Variants in CADPS observed in about 807,000 individuals in gnomAD.
CADPS encodes calcium-dependent secretion activator 1.
A neutral mutation model predicts 167.3 loss-of-function variants in CADPS; 57 were observed. The observed-to-expected ratio is 0.34, with a 90% CI of 0.28 to 0.42. The LOEUF (loss-of-function observed/expected upper bound fraction) is 0.42. CADPS is among the 20% of genes least tolerant of loss of function. CADPS has a pLI of 1.00. For synonymous variants in CADPS, 676 were observed against 635.3 expected, an observed-to-expected ratio of 1.06 and a Z score of -0.96; for missense variants, 1,414 against 1,738.1, an observed-to-expected ratio of 0.81 and a Z score of 3.32.
At chr3:62,767,955 C>G (rs1328157392) in intron 1 of CADPS, among the ~76,000 whole-genome samples, 2 of 152,126 alleles carry the variant, frequency 1.3e-5, no homozygotes, top group Admixed American at 6.6e-5. Flanking sequence ...TTTACCCGTA[C>G]AACATATCTC....
At chr3:62,667,331 G>A (rs1474265055) in intron 3 of CADPS, among the ~76,000 whole-genome samples, 1 of 151,972 alleles carries the variant, frequency 6.6e-6, no homozygotes, top group Admixed American at 6.6e-5. Context: ...TCAGACCAGG[G>A]TGGGGAACCC....
intron 1 of CADPS, among the ~76,000 whole-genome samples, chr3:62,873,487 T>C (rs532596536): frequency 3.3e-5 from 5 of 152,240 alleles, no homozygotes; most frequent in South Asian, 2.1e-4. Context: ...ACGCTGACTT[T>C]CTTCACTAAC....
intron 12 of CADPS, among the ~76,000 whole-genome samples, chr3:62,534,064 A>G (rs556529404): frequency 6.3e-4 from 96 of 152,358 alleles, no homozygotes; most frequent in Non-Finnish European, 1.0e-3. Flanking sequence ...AGAAAGGCCA[A>G]GTGAGTTGCC....
chr3:62,793,774 T>TACGTGCGTGCACATGTGTGC (rs2152750721), intron 1 of CADPS, among the ~76,000 whole-genome samples: 1 of 152,338 alleles, frequency 6.6e-6, no homozygotes, highest in African/African-American at 2.4e-5. Flanking sequence ...TGCGTGTGTG[T>TACGTGCGTGCACATGTGTGC]ACGTGCGTGC....
chr3:62,449,788 T>C (rs2057769865), intron 26 of CADPS, among the ~76,000 whole-genome samples: 1 of 134,728 alleles, frequency 7.4e-6, no homozygotes, highest in Non-Finnish European at 1.6e-5. Context: ...CCATCAATGG[T>C]TGTTAAAAGA....
At chr3:62,483,001 G>A (rs1463386288) in intron 21 of CADPS, among the ~76,000 whole-genome samples, 1 of 151,938 alleles carries the variant, frequency 6.6e-6, no homozygotes, top group African/African-American at 2.4e-5. Context: ...TATTTCTTTG[G>A]AAGGACGGTG....
At chr3:62,770,774 G>C (rs304191) in intron 1 of CADPS, among the ~76,000 whole-genome samples, 1 of 151,994 alleles carries the variant, frequency 6.6e-6, no homozygotes, top group Non-Finnish European at 1.5e-5. Context: ...ACAAACTTTC[G>C]TATCAAGATA....
rs993996814 is a variant in CADPS at position 62,545,729 on chromosome 3, G to T, written c.1966+4174C>A. On this transcript the variant is annotated intron_variant, in intron 11 of 29. Coordinates refer to ENST00000383710, the MANE Select transcript of CADPS (RefSeq NM_003716.4). Reference sequence around the variant, plus strand: ...TGCAAAAAATAAAAACTGTTAAACTGAATTTAGAAAGACCCAAATAAACTC... The same window carrying T: ...TGCAAAAAATAAAAACTGTTAAACTTAATTTAGAAAGACCCAAATAAACTC... Among the ~76,000 whole-genome samples the T allele has an allele frequency of 3.3e-5, 5 of 152,200 alleles. No homozygotes were observed. In the East Asian group the frequency reaches 9.7e-4, roughly 29 times the overall value.
intron 21 of CADPS, 120 bp downstream of exon 21, chr3:62,491,219 A>G (rs957254354): frequency 7.1e-6 from 8 of 1,122,346 alleles, no homozygotes; most frequent in Non-Finnish European, 1.0e-5. Flanking sequence ...GAAGAAATGT[A>G]TGGTGTTTCT....
rs574313220 is a variant in CADPS, at chr3:62,544,573, G to GA, written c.1966+5329dup. 2.0e-5 allele frequency among the ~76,000 whole-genome samples: 3 copies of GA among 151,824 alleles called. No homozygotes were observed. The highest frequency in any genetic ancestry group is 7.3e-5 in the African/African-American group (3 of 41,330). ...TGATGTTAATTAATATTCTTGGAAT[G>GA]AAAAAAAATTAGACGTTAATGGTTG... On this transcript the variant is annotated intron_variant, in intron 11 of 29. Transcript: ENST00000383710. This position sits in a 1 kb window ranked among gnomAD's most constrained non-coding sequence, Gnocchi z 4.4.
intron 6 of CADPS, among the ~76,000 whole-genome samples, chr3:62,617,573 G>A (rs1233141458): frequency 6.6e-6 from 1 of 152,068 alleles, no homozygotes; most frequent in African/African-American, 2.4e-5. Context: ...ACCCCAAAAT[G>A]AACAAGACAT....
rs833636 is a variant in CADPS, at chr3:62,602,910, G to A, written c.1326-10162C>T. Among the ~76,000 whole-genome samples the A allele has an allele frequency of 1, 151,992 of 152,316 alleles. 75,835 individuals are homozygous for A. Among genetic ancestry groups the A allele is most frequent in the Middle Eastern group, 1 (294 of 294 alleles). ...ATTTGCCTCTCTTTGCCACATGTCC[G>A]TCTTGTCACCGGATCTTTCAAATCC... On this transcript the variant is annotated intron_variant, in intron 6 of 29. Transcript: ENST00000383710. This position sits in a 1 kb window ranked among gnomAD's most constrained non-coding sequence, Gnocchi z 4.4.
In CADPS at chr3:62,765,927, C is replaced by G. The variant is rs1439156922; in HGVS notation, c.499G>C (p.Glu167Gln). 3 of 1,613,418 alleles carry G rather than the reference C, an allele frequency of 1.9e-6. No individual in the cohort carries two copies. The highest frequency in any genetic ancestry group is 2.5e-6 in the Non-Finnish European group (3 of 1,179,592). Residue 167 changes from glutamate to glutamine, a missense_variant, in exon 2 of 30, where the codon GAA becomes CAA. By Grantham distance (29) the Glu-to-Gln change is conservative. This residue lies in a region of CADPS where 522 missense variants were observed against 559.5 expected (regional missense o/e 0.93). Transcript: ENST00000383710. ...GCTTCGTCAGCCATGATCTGGGTTT[C>G]CCCATTGAGGAAAGCCTGAAACCGG... ...KDRFQAFLNG[E>Q]TQIMADEAFM...
intron 1 of CADPS, among the ~76,000 whole-genome samples, chr3:62,787,916 T>TGTCATCATCATCCTC (rs2092610295): frequency 6.6e-6 from 1 of 152,224 alleles, no homozygotes; most frequent in African/African-American, 2.4e-5. Flanking sequence ...CCCTCATCCT[T>TGTCATCATCATCCTC]GTCATCATCA....
chr3:62,701,570 C>T (rs1337467963), intron 3 of CADPS, among the ~76,000 whole-genome samples: 6 of 145,642 alleles, frequency 4.1e-5, no homozygotes, highest in African/African-American at 2.6e-5. Flanking sequence ...GATTGCACAA[C>T]TGCACTCCAG....
chr3:62,701,905 G>A (rs2081468747), intron 3 of CADPS, among the ~76,000 whole-genome samples: 1 of 152,094 alleles, frequency 6.6e-6, no homozygotes, highest in South Asian at 2.1e-4. Context: ...GCAAGAAACT[G>A]CTTTTCCTTT....
chr3:62,778,188 T>C (rs1249618505), intron 1 of CADPS, among the ~76,000 whole-genome samples: 4 of 152,198 alleles, frequency 2.6e-5, no homozygotes, highest in Non-Finnish European at 4.4e-5. Flanking sequence ...GGACAAACTA[T>C]ATATTTCACG....
chr3:62,776,243 G>A (rs1013854212), intron 1 of CADPS, among the ~76,000 whole-genome samples: 4 of 152,112 alleles, frequency 2.6e-5, no homozygotes, highest in Non-Finnish European at 4.4e-5. Flanking sequence ...AATATAATAG[G>A]CAGAGAACAG....
intron 6 of CADPS, chr3:62,626,240 T>A: frequency 3.4e-6 from 1 of 291,650 alleles, no homozygotes; most frequent in Non-Finnish European, 6.3e-6. Context: ...CAAAGCCAGC[T>A]AAGGGGGAAA....
Sources: gnomAD v4.1 joint callset for allele counts (sites outside exome capture counted in the v4.1 genomes callset) on GRCh38, gnomAD v4.1.1 for gene constraint, gnomAD v4.1.1 regional missense constraint, Gnocchi (gnomAD v3.1) non-coding constraint, MANE v1.5 for transcripts, NCBI Gene and HGNC (gene_info 2026-07-23, HGNC 2026-07-21) for gene names.